Variants in BAAT observed in about 807,000 individuals in gnomAD.
The protein encoded by BAAT is bile acid CoA: amino acid N-acyltransferase (glycine N-choloyltransferase).
In BAAT, 13 loss-of-function variants were observed where a neutral mutation model predicts 18.9. The observed-to-expected ratio is 0.69, with a 90% confidence interval of 0.45 to 1.10. The LOEUF (loss-of-function observed/expected upper bound fraction) is 1.10, where lower values mean the gene tolerates loss of function less well. BAAT is among the 50% of genes least tolerant of loss of function. BAAT has a pLI of 0.00. For missense variants in BAAT, 489 were observed against 504.0 expected (o/e 0.97, Z 0.28); for synonymous variants, 170 against 190.7 (o/e 0.89, Z 0.89).
rs753090867 is a variant in BAAT, at chr9:101,362,357, C to T, written c.*71G>A. On this transcript the variant is annotated 3_prime_UTR_variant, in exon 4 of 4. Coordinates refer to ENST00000259407, the MANE Select transcript of BAAT (RefSeq NM_001701.4). ...TGTGTGGCAGCTGGGGGAGACATTC[C>T]GCCATGAAAATTGAGAGAAGGTCCC... is the stretch of plus-strand genomic sequence containing the variant. 5.2e-5 allele frequency: 77 copies of T among 1,475,922 alleles called. No individual in the cohort carries two copies. Among genetic ancestry groups the T allele is most frequent in the Non-Finnish European group, 6.1e-5 (65 of 1,067,580 alleles). The allele number at this position is 1,475,922 out of a possible 1,614,324, so 91.4% of individuals were successfully genotyped here.
chr9:101,383,864 T>C (rs1830166251), intron 1 of BAAT, among the ~76,000 whole-genome samples: 1 of 152,170 alleles, frequency 6.6e-6, no homozygotes, highest in African/African-American at 2.4e-5. Context: ...TTGCAAATGG[T>C]TTCTTTCCTG....
At chr9:101,364,341 T>C (rs748090686) in intron 3 of BAAT, among the ~76,000 whole-genome samples, 7 of 152,218 alleles carry the variant, frequency 4.6e-5, no homozygotes, top group Non-Finnish European at 1.0e-4. Context: ...GTTGACTTAA[T>C]TCCTGAAACT....
At chr9:101,370,320 C>CT (rs749077224) in intron 2 of BAAT, among the ~76,000 whole-genome samples, 4,778 of 103,436 alleles carry the variant, frequency 0.046, 65 homozygotes, top group Non-Finnish European at 0.06. Context: ...ATGCATTATC[C>CT]TTTTTTTTTT....
At chr9:101,379,852 T>A (rs964781634) in intron 1 of BAAT, among the ~76,000 whole-genome samples, 1 of 152,228 alleles carries the variant, frequency 6.6e-6, no homozygotes, top group South Asian at 2.1e-4. Context: ...TTGATTGTAG[T>A]CCCTTGTGTG....
intron 1 of BAAT, among the ~76,000 whole-genome samples, chr9:101,384,126 A>G (rs746634842): frequency 1.3e-5 from 2 of 152,194 alleles, no homozygotes; most frequent in Non-Finnish European, 2.9e-5. Flanking sequence ...CTTAAAGGAA[A>G]CTTAAATTCA....
chr9:101,381,132 T>C (rs1459632890), intron 1 of BAAT, among the ~76,000 whole-genome samples: 1 of 151,934 alleles, frequency 6.6e-6, no homozygotes, highest in African/African-American at 2.4e-5. Context: ...AAAGGAGGAA[T>C]AAAGGAGCAA....
At chr9:101,378,687 A>G (rs1830086047) in intron 1 of BAAT, among the ~76,000 whole-genome samples, 1 of 152,222 alleles carries the variant, frequency 6.6e-6, no homozygotes, top group Admixed American at 6.5e-5. Flanking sequence ...TTCATGACTA[A>G]AACACCAAAA....
Position 101,362,297 on chromosome 9 carries a change from G to T in BAAT, c.*131C>A. On this transcript the variant is annotated 3_prime_UTR_variant, in exon 4 of 4. Coordinates refer to ENST00000259407, the MANE Select transcript of BAAT (RefSeq NM_001701.4). ...GTGAAATATCAGGTTTTTACCCTAT[G>T]CTCTTTTTAATCATTAAAATTAATA... 2 of 986,736 alleles carry T rather than the reference G, an allele frequency of 2.0e-6. No individual in the cohort carries two copies. Among genetic ancestry groups the T allele is most frequent in the Non-Finnish European group, 3.0e-6 (2 of 658,364 alleles). The allele number at this position is 986,736 out of a possible 1,614,324, so 61.1% of individuals were successfully genotyped here. A position where few individuals can be genotyped will look rare whatever the true frequency, so the allele number is the denominator to read the frequency against.
At position 101,379,025 on chromosome 9, in the gene BAAT, A is replaced by T. The variant is rs572052782; in HGVS notation, c.-60+5830T>A. ...TTAGAGAAATGCAAATCAAAACCAC[A>T]ATGAGATAATATCTCATGCCAGTTA... On this transcript the variant is annotated intron_variant, in intron 1 of 3. Coordinates refer to ENST00000259407, the MANE Select transcript of BAAT (RefSeq NM_001701.4). Among the ~76,000 whole-genome samples, 5 of 152,376 alleles carry T rather than the reference A, an allele frequency of 3.3e-5. No homozygotes were observed. The East Asian group carries it at 9.6e-4, about 29-fold the overall frequency.
In BAAT at chr9:101,363,405, T is replaced by C. The variant is rs531010121; in HGVS notation, c.670-390A>G. ...TGTAGGAAGAGACTGAGAAAGAAAG[T>C]GAGATCAGTAGGATAGAGTTGAACA... On this transcript the variant is annotated intron_variant, in intron 3 of 3. Coordinates refer to ENST00000259407, the MANE Select transcript of BAAT (RefSeq NM_001701.4). Among the ~76,000 whole-genome samples, 9 of 152,158 alleles carry C rather than the reference T, an allele frequency of 5.9e-5. No homozygotes were observed. The East Asian group carries it at 1.4e-3, about 23-fold the overall frequency.
intron 1 of BAAT, among the ~76,000 whole-genome samples, chr9:101,372,438 A>C (rs1829969300): frequency 6.6e-6 from 1 of 152,176 alleles, no homozygotes; most frequent in Non-Finnish European, 1.5e-5. Flanking sequence ...AGGAAAGCAA[A>C]ACTAGAAGCT....
chr9:101,376,653 G>A (rs545118239), intron 1 of BAAT: 2 of 152,218 alleles, frequency 1.3e-5, no homozygotes, highest in African/African-American at 2.4e-5. Flanking sequence ...CACAGTTGGA[G>A]GCCTGCCACC....
chr9:101,379,610 A>G (rs966318628), intron 1 of BAAT, among the ~76,000 whole-genome samples: 2 of 152,250 alleles, frequency 1.3e-5, no homozygotes, highest in African/African-American at 2.4e-5. Context: ...AGAGAAACTT[A>G]GAAAAAAATT....
At chr9:101,382,498 C>T (rs1226994724) in intron 1 of BAAT, among the ~76,000 whole-genome samples, 1 of 152,156 alleles carries the variant, frequency 6.6e-6, no homozygotes, top group Non-Finnish European at 1.5e-5. Context: ...CAGAAGTAGG[C>T]CAGCATATAA....
At chr9:101,368,617 G>C (rs955645290) in intron 2 of BAAT, among the ~76,000 whole-genome samples, 7 of 152,126 alleles carry the variant, frequency 4.6e-5, no homozygotes, top group South Asian at 4.2e-4. Context: ...GTTTGACTAG[G>C]AACTACATTC....
chr9:101,383,909 CAGTAATG>C (rs1564060187), intron 1 of BAAT, among the ~76,000 whole-genome samples: 1 of 152,164 alleles, frequency 6.6e-6, no homozygotes, highest in African/African-American at 2.4e-5. Context: ...AATGTGATCA[CAGTAATG>C]AGTAATAAAA....
intron 1 of BAAT, among the ~76,000 whole-genome samples, chr9:101,378,156 T>C (rs1034627619): frequency 6.6e-6 from 1 of 152,204 alleles, no homozygotes; most frequent in African/African-American, 2.4e-5. Flanking sequence ...GAAGAAGTGA[T>C]ACTGTGAAAA....
At position 101,384,966 on chromosome 9, in the gene BAAT, C is replaced by A. The variant is rs1830183022; in HGVS notation, c.-171G>T. The stretch of plus-strand genomic sequence containing the variant: ...ACAAAGAGAGGAATTTACAGCTGGG[C>A]CTCCGGGGGTGATGTCACATATCAG... On this transcript the variant is annotated 5_prime_UTR_variant, in exon 1 of 4. Coordinates refer to ENST00000259407, the MANE Select transcript of BAAT (RefSeq NM_001701.4). Among the ~76,000 whole-genome samples, 1 of 152,058 alleles carries A rather than the reference C, an allele frequency of 6.6e-6. No individual in the cohort carries two copies. The highest frequency in any genetic ancestry group is 2.1e-4 in the South Asian group (1 of 4,828).
chr9:101,376,072 ATG>A (rs1035891025), intron 1 of BAAT: 6 of 155,900 alleles, frequency 3.8e-5, no homozygotes, highest in African/African-American at 1.5e-4. Context: ...TGCCTGACGC[ATG>A]TGTTTCTGAT....
Sources: gnomAD v4.1 joint callset for allele counts (sites outside exome capture counted in the v4.1 genomes callset) on GRCh38, gnomAD v4.1.1 for gene constraint, MANE v1.5 for transcripts, NCBI Gene and HGNC (gene_info 2026-07-23, HGNC 2026-07-21) for gene names.